The following ZMAT4 variants were observed in gnomAD, a reference collection of about 807,000 sequenced individuals.
The protein encoded by ZMAT4 is zinc finger matrin-type protein 4.
ZMAT4 carries 17 observed loss-of-function variants against 28.7 expected under a neutral mutation model. The ratio of observed to expected loss-of-function variants is 0.59; its 90% confidence interval spans 0.41 to 0.89. The LOEUF is 0.89. Ranked by LOEUF, ZMAT4 falls within the 40% of genes least tolerant of loss-of-function variation. ZMAT4 has a pLI of 0.00. For synonymous variants in ZMAT4, 117 were observed against 109.2 expected (o/e 1.07, Z -0.44); for missense variants, 240 against 283.8 (o/e 0.85, Z 1.11).
intron 3 of ZMAT4, among the ~76,000 whole-genome samples, chr8:40,755,734 C>T (rs1046106495): frequency 1.8e-4 from 27 of 152,272 alleles, no homozygotes; most frequent in Admixed American, 7.2e-4. Context: ...ATTAAGGGTG[C>T]GAACCACTGC....
intron 5 of ZMAT4, among the ~76,000 whole-genome samples, chr8:40,586,441 A>T (rs1375577948): frequency 1.3e-5 from 2 of 152,186 alleles, no homozygotes; most frequent in Non-Finnish European, 2.9e-5. Flanking sequence ...CAGAAAACAG[A>T]TATAGAAGTA....
intron 4 of ZMAT4, among the ~76,000 whole-genome samples, chr8:40,681,236 C>A (rs1378196614): frequency 6.6e-6 from 1 of 152,106 alleles, no homozygotes; most frequent in African/African-American, 2.4e-5. Flanking sequence ...GAGCAATAGG[C>A]CAAATAAACA....
chr8:40,559,597 T>G (rs905247462), intron 6 of ZMAT4, among the ~76,000 whole-genome samples: 1 of 152,194 alleles, frequency 6.6e-6, no homozygotes, highest in African/African-American at 2.4e-5. Context: ...CCTGTCAGAA[T>G]GCCCATCTTG....
intron 3 of ZMAT4, among the ~76,000 whole-genome samples, chr8:40,716,013 CCAAT>C (rs775464280): frequency 6.6e-6 from 1 of 152,208 alleles, no homozygotes. Flanking sequence ...TGTAGAGAAG[CCAAT>C]CAGAGACAGA....
chr8:40,725,770 AAAAAAAAG>A (rs1468936686), intron 3 of ZMAT4, among the ~76,000 whole-genome samples: 3 of 152,072 alleles, frequency 2.0e-5, no homozygotes, highest in Non-Finnish European at 4.4e-5. Context: ...ACTCTGCCTC[AAAAAAAAG>A]AAAAAAAGAA....
intron 3 of ZMAT4, among the ~76,000 whole-genome samples, chr8:40,735,843 G>A (rs1467824213): frequency 1.3e-5 from 2 of 152,164 alleles, no homozygotes; most frequent in Non-Finnish European, 2.9e-5. Flanking sequence ...CTGGATGGGC[G>A]CTCGGGAAGC....
At chr8:40,776,478 C>T (rs932987763) in intron 2 of ZMAT4, among the ~76,000 whole-genome samples, 6 of 152,136 alleles carry the variant, frequency 3.9e-5, no homozygotes, top group Admixed American at 1.3e-4. Flanking sequence ...AATTAAATTA[C>T]CACCAAAGCC....
At chr8:40,863,337 G>A (rs1817569730) in intron 1 of ZMAT4, among the ~76,000 whole-genome samples, 1 of 152,198 alleles carries the variant, frequency 6.6e-6, no homozygotes, top group Non-Finnish European at 1.5e-5. Flanking sequence ...GATTATGGAG[G>A]GCTGTTCCAG....
chr8:40,683,021 C>T lies in ZMAT4; in HGVS notation c.350-8090G>A, dbSNP rs188376251. The stretch of plus-strand genomic sequence containing the variant: ...ATTCTTTGCCTTGAAATCAAGAGGC[C>T]AGAATCTAAGGTCCATGAGGCAAGG... On this transcript the variant is annotated intron_variant, in intron 4 of 6. Transcript: ENST00000297737. 4.6e-5 allele frequency among the ~76,000 whole-genome samples: 7 copies of T among 152,114 alleles called. No individual in the cohort carries two copies. In the East Asian group the frequency reaches 1.4e-3, roughly 29 times the overall value.
chr8:40,854,640 C>G (rs4737181), intron 1 of ZMAT4, among the ~76,000 whole-genome samples: 39,370 of 151,980 alleles, frequency 0.26, 5,240 homozygotes, highest in East Asian at 0.39. Context: ...AGAATGGTCC[C>G]CTGACCTAAG....
intron 1 of ZMAT4, among the ~76,000 whole-genome samples, chr8:40,879,144 G>A (rs72644322): frequency 0.2 from 29,754 of 152,068 alleles, 3,021 homozygotes; most frequent in Admixed American, 0.23. Flanking sequence ...TGTTTCAGCC[G>A]AGTATGGTGG....
intron 3 of ZMAT4, among the ~76,000 whole-genome samples, chr8:40,735,986 T>C (rs747997901): frequency 3.9e-5 from 6 of 152,142 alleles, no homozygotes; most frequent in Non-Finnish European, 7.4e-5. Context: ...AAGCTAAGAA[T>C]CCAAGATGGA....
chr8:40,703,491 G>A (rs111427323), intron 3 of ZMAT4, among the ~76,000 whole-genome samples: 43 of 152,306 alleles, frequency 2.8e-4, no homozygotes, highest in African/African-American at 9.1e-4. Flanking sequence ...ACCACATAAT[G>A]TATGACTCTG....
chr8:40,709,590 T>A (rs1384934435), intron 3 of ZMAT4, among the ~76,000 whole-genome samples: 1 of 152,214 alleles, frequency 6.6e-6, no homozygotes, highest in Non-Finnish European at 1.5e-5. Context: ...ATTTTGTATA[T>A]CCAGCAAAGC....
chr8:40,818,249 T>C (rs968544750), intron 2 of ZMAT4, among the ~76,000 whole-genome samples: 1 of 152,186 alleles, frequency 6.6e-6, no homozygotes, highest in African/African-American at 2.4e-5. Flanking sequence ...ATGCTGGCCC[T>C]GCTGGAATAA....
intron 5 of ZMAT4, among the ~76,000 whole-genome samples, chr8:40,636,949 C>CA (rs1487876325): frequency 2.0e-5 from 3 of 152,058 alleles, no homozygotes; most frequent in African/African-American, 7.3e-5. Context: ...CTGCCGAATG[C>CA]AAAACTAGGT....
chr8:40,857,325 G>A (rs564027581), intron 1 of ZMAT4, among the ~76,000 whole-genome samples: 11 of 151,836 alleles, frequency 7.2e-5, no homozygotes, highest in African/African-American at 1.9e-4. Context: ...GAGAATAGCC[G>A]CTGCACTCCA....
At chr8:40,735,097 C>G (rs369586487) in intron 3 of ZMAT4, among the ~76,000 whole-genome samples, 85 of 152,268 alleles carry the variant, frequency 5.6e-4, no homozygotes, top group African/African-American at 2.0e-3. Flanking sequence ...AAATCTGATG[C>G]TCTAGGCAGA....
chr8:40,554,177 T>TG (rs1388128444), intron 6 of ZMAT4, among the ~76,000 whole-genome samples: 1 of 152,168 alleles, frequency 6.6e-6, no homozygotes, highest in African/African-American at 2.4e-5. Flanking sequence ...AATACTTTTT[T>TG]GGGGGTCACT....
Sources: allele counts gnomAD v4.1 joint callset (sites outside exome capture counted in the v4.1 genomes callset), GRCh38; gene constraint gnomAD v4.1.1; transcripts MANE v1.5; gene names NCBI Gene and HGNC (gene_info 2026-07-23, HGNC 2026-07-21).